LIMD1: variants seen among roughly 807,000 people sequenced by gnomAD.
LIMD1 encodes the protein LIM domain-containing protein 1.
Under a neutral mutation model 58.4 loss-of-function variants are expected in LIMD1, and 23 were observed. That is an observed-to-expected ratio of 0.39 (90% CI 0.28 to 0.56). The LOEUF (loss-of-function observed/expected upper bound fraction) is 0.56, where lower values mean the gene tolerates loss of function less well. Among genes scored for constraint, LIMD1 ranks in the 20% least tolerant of loss-of-function variants. LIMD1 has a pLI of 0.57. For synonymous variants in LIMD1, 334 were observed against 345.5 expected (o/e 0.97, Z 0.37); for missense variants, 838 against 855.5 (o/e 0.98, Z 0.25).
rs779940116 is a variant in LIMD1, at chr3:45,636,239, T to C, written c.1498T>C (p.Cys500Arg). ...CCTCTACCATGACACATGCTTCACCTGTGCAGCTTGCAGTAAGTGTGGGTG... is the reference window on the plus strand; with the variant it reads ...CCTCTACCATGACACATGCTTCACCCGTGCAGCTTGCAGTAAGTGTGGGTG... The part of the protein sequence containing the change: ...GNLYHDTCFT[C>R]AACSRKLRGK... Residue 500 changes from cysteine (C) to arginine (R), a missense_variant, in exon 2 of 8, where the codon TGT becomes CGT. By Grantham distance (180) the Cys-to-Arg change is radical. Coordinates refer to ENST00000273317, the MANE Select transcript of LIMD1 (RefSeq NM_014240.3). 6 of 1,607,616 alleles carry C rather than the reference T, an allele frequency of 3.7e-6. No homozygotes were observed. The South Asian group carries it at 6.7e-5, about 18-fold the overall frequency.
At chr3:45,649,680 CA>C (rs748471672) in intron 2 of LIMD1, among the ~76,000 whole-genome samples, 6,669 of 95,188 alleles carry the variant, frequency 0.07, 216 homozygotes, top group African/African-American at 0.13. Flanking sequence ...GACTCTGTCT[CA>C]AAAAAAAAAA....
intron 1 of LIMD1, among the ~76,000 whole-genome samples, chr3:45,626,817 G>C (rs1197175709): frequency 6.6e-6 from 1 of 151,022 alleles, no homozygotes; most frequent in African/African-American, 2.4e-5. Flanking sequence ...GAGGGGGGCT[G>C]TGCATGTGTG....
In LIMD1 at chr3:45,596,270, C is replaced by G. The variant is rs761310540; in HGVS notation, c.1391C>G (p.Pro464Arg). The change falls in exon 1 of 8, where the codon CCG (proline) becomes CGG (arginine). Residue 464 changes from proline to arginine, a missense_variant. This residue lies in a region of LIMD1 where 659 missense variants were observed against 639.8 expected (regional missense o/e 1.03). Transcript: ENST00000273317. Reference protein sequence around the residue: ...QRLEREMDAHPKADYFGACVK... With the variant: ...QRLEREMDAHRKADYFGACVK... ...CTGGAGCGAGAGATGGATGCTCACCCGAAGGCTGATTACTTTGGTGAGTGA... is the reference window on the plus strand; with the variant it reads ...CTGGAGCGAGAGATGGATGCTCACCGGAAGGCTGATTACTTTGGTGAGTGA... 6 of 1,603,808 alleles carry G rather than the reference C, an allele frequency of 3.7e-6. No homozygotes were observed. The highest frequency in any genetic ancestry group is 1.3e-5 in the African/African-American group (1 of 74,850).
At chr3:45,596,403 G>C (rs1701352980) in intron 1 of LIMD1, 116 bp downstream of exon 1, 2 of 815,504 alleles carry the variant, frequency 2.5e-6, no homozygotes, top group African/African-American at 3.5e-5. Flanking sequence ...TGAGTGGCCT[G>C]TTTTTTTATT....
intron 1 of LIMD1, among the ~76,000 whole-genome samples, chr3:45,614,787 G>A (rs13089744): frequency 0.29 from 38,371 of 131,802 alleles, 6,568 homozygotes; most frequent in Middle Eastern, 0.47. Flanking sequence ...TTTTTTTGCC[G>A]TTTTTTAAAC....
At chr3:45,598,277 A>G (rs1230874313) in intron 1 of LIMD1, among the ~76,000 whole-genome samples, 2 of 152,192 alleles carry the variant, frequency 1.3e-5, no homozygotes, top group Non-Finnish European at 2.9e-5. Context: ...TTTAAAGCAC[A>G]TGGCACCATC....
intron 2 of LIMD1, among the ~76,000 whole-genome samples, chr3:45,656,692 A>G (rs1575362134): frequency 6.6e-6 from 1 of 151,852 alleles, no homozygotes; most frequent in South Asian, 2.1e-4. Context: ...TGGTTTTTGT[A>G]TTTTTAGTAG....
chr3:45,684,564 G>A lies in LIMD1; in HGVS notation c.*7505G>A, dbSNP rs946918729. 1 of 152,234 alleles carries A rather than the reference G, an allele frequency of 6.6e-6. No homozygotes were observed. The allele number at this position is 152,234 out of a possible 1,614,324, so 9.4% of individuals were successfully genotyped here. On this transcript the variant is annotated 3_prime_UTR_variant, in exon 8 of 8. Coordinates refer to ENST00000273317, the MANE Select transcript of LIMD1 (RefSeq NM_014240.3). ...CCCCATGCAGAGGGAGGAGGACTCCGAATGGATCTCCCCATTCCTGGCGGG... is the reference window on the plus strand; with the variant it reads ...CCCCATGCAGAGGGAGGAGGACTCCAAATGGATCTCCCCATTCCTGGCGGG...
In LIMD1 at chr3:45,596,325, G is replaced by A. The variant is rs917390481; in HGVS notation, c.1408+38G>A. ...CTGGTGGAGTTGCCTATGGTGGGGC[G>A]ATGGGGTTCTTGAGATTGGGGAACA... On this transcript the variant is annotated intron_variant, in intron 1 of 7. Coordinates refer to ENST00000273317, the MANE Select transcript of LIMD1 (RefSeq NM_014240.3). 4.6e-6 allele frequency: 7 copies of A among 1,509,636 alleles called. No homozygotes were observed. In the African/African-American group the frequency reaches 5.5e-5, roughly 12 times the overall value. The allele number at this position is 1,509,636 out of a possible 1,614,324, so 93.5% of individuals were successfully genotyped here. A position where few individuals can be genotyped will look rare whatever the true frequency, so the allele number is the denominator to read the frequency against.
chr3:45,612,051 T>A (rs1009815364), intron 1 of LIMD1, among the ~76,000 whole-genome samples: 1 of 150,792 alleles, frequency 6.6e-6, no homozygotes, highest in African/African-American at 2.4e-5. Context: ...CCCAGCTCTG[T>A]CATGGTTTGC....
At position 45,681,260 on chromosome 3, in the gene LIMD1, A is replaced by G. The variant is rs532420052; in HGVS notation, c.*4201A>G. 1.3e-5 allele frequency: 2 copies of G among 152,210 alleles called. No homozygotes were observed. Among genetic ancestry groups the G allele is most frequent in the Non-Finnish European group, 2.9e-5 (2 of 68,032 alleles). 9.4% of individuals were successfully genotyped at this position (152,210 alleles called of 1,614,324 possible). A position where few individuals can be genotyped will look rare whatever the true frequency, so the allele number is the denominator to read the frequency against. On this transcript the variant is annotated 3_prime_UTR_variant, in exon 8 of 8. Coordinates refer to ENST00000273317, the MANE Select transcript of LIMD1 (RefSeq NM_014240.3). ...TTGACTATTAAAGTGCTCCTTGAAC[A>G]TTATATTTCCTGGGTCTTTTCTGTG...
At chr3:45,676,167 G>C (rs1409024203) in intron 7 of LIMD1, among the ~76,000 whole-genome samples, 2 of 152,056 alleles carry the variant, frequency 1.3e-5, no homozygotes, top group African/African-American at 2.4e-5. Flanking sequence ...CCTTGAACGG[G>C]GGAGGTGGAT....
intron 2 of LIMD1, among the ~76,000 whole-genome samples, chr3:45,649,462 A>G (rs752742943): frequency 2.3e-4 from 35 of 151,762 alleles, no homozygotes; most frequent in Admixed American, 4.6e-4. Context: ...CGGGCCAATC[A>G]TGAGGTCAGA....
chr3:45,633,371 G>A (rs1297988902), intron 1 of LIMD1, among the ~76,000 whole-genome samples: 1 of 152,106 alleles, frequency 6.6e-6, no homozygotes, highest in South Asian at 2.1e-4. Context: ...TTGAATGGTA[G>A]ACTTACACTT....
rs566328924 is a variant in LIMD1, at chr3:45,679,262, A to G, written c.*2203A>G. 2.2e-4 allele frequency: 34 copies of G among 152,302 alleles called. No homozygotes were observed. Among genetic ancestry groups the G allele is most frequent in the African/African-American group, 7.9e-4 (33 of 41,566 alleles). 9.4% of individuals were successfully genotyped at this position (152,302 alleles called of 1,614,324 possible). On this transcript the variant is annotated 3_prime_UTR_variant, in exon 8 of 8. Transcript: ENST00000273317. ...GAATATACCATTTTATATTGTTGAG[A>G]AAGAACAAAAAGGGAATTTCCAGAT...
rs549443577 is a variant in LIMD1 at position 45,666,115 on chromosome 3, G to A, written c.1578+398G>A. The stretch of plus-strand genomic sequence containing the variant: ...CCCAGACCTGAGCTCTAGCCCTGCC[G>A]CACCTCTGAGGCCAGCTGCTGGCAT... On this transcript the variant is annotated intron_variant, in intron 3 of 7. Coordinates refer to ENST00000273317, the MANE Select transcript of LIMD1 (RefSeq NM_014240.3). Among the ~76,000 whole-genome samples the A allele has an allele frequency of 6.6e-5, 10 of 152,190 alleles. No individual in the cohort carries two copies. In the East Asian group the frequency reaches 7.7e-4, roughly 12 times the overall value.
At chr3:45,621,866 C>G (rs1049682388) in intron 1 of LIMD1, among the ~76,000 whole-genome samples, 7 of 151,950 alleles carry the variant, frequency 4.6e-5, no homozygotes, top group Non-Finnish European at 1.0e-4. Flanking sequence ...AGATCGAGAC[C>G]ATCCTGGCCA....
At chr3:45,659,986 CTAGAGGG>C (rs1369573910) in intron 2 of LIMD1, among the ~76,000 whole-genome samples, 1 of 152,222 alleles carries the variant, frequency 6.6e-6, no homozygotes, top group Admixed American at 6.5e-5. Flanking sequence ...TTTCTTAACA[CTAGAGGG>C]TTCAGTGCTT....
Position 45,595,302 on chromosome 3 carries a change from G to C in LIMD1, c.423G>C (p.Thr141=). 6.2e-7 allele frequency: 1 copy of C among 1,613,414 alleles called. No individual in the cohort carries two copies. Among genetic ancestry groups the C allele is most frequent in the Non-Finnish European group, 8.5e-7 (1 of 1,180,032 alleles). The change falls in exon 1 of 8, where the codon ACG becomes ACC. Residue 141 remains threonine, a synonymous_variant. Coordinates refer to ENST00000273317, the MANE Select transcript of LIMD1 (RefSeq NM_014240.3). Reference sequence around the variant, plus strand: ...GATCCAGGCCATACCTGCATGGCACGAGGCATGGCAGCCAGGACTGTGGTT... The same window carrying C: ...GATCCAGGCCATACCTGCATGGCACCAGGCATGGCAGCCAGGACTGTGGTT... ...EQRSRPYLHG[T]RHGSQDCGSR... is the part of the protein sequence containing the mutation.
Sources: gnomAD v4.1 joint callset for allele counts (sites outside exome capture counted in the v4.1 genomes callset) on GRCh38, gnomAD v4.1.1 for gene constraint, gnomAD v4.1.1 regional missense constraint, MANE v1.5 for transcripts, NCBI Gene and HGNC (gene_info 2026-07-23, HGNC 2026-07-21) for gene names.